Variants in C10orf88 observed in about 807,000 individuals in gnomAD.
C10orf88 encodes the protein chromosome 10 open reading frame 88.
In C10orf88, 29 loss-of-function variants were observed where a neutral mutation model predicts 34.2. The ratio of observed to expected loss-of-function variants is 0.85; its 90% CI spans 0.63 to 1.16. The LOEUF (loss-of-function observed/expected upper bound fraction) is 1.16. Ranked by LOEUF, C10orf88 falls within the 50% of genes most tolerant of loss-of-function variation. The pLI, the probability that C10orf88 is intolerant of heterozygous loss-of-function variation, is 0.00. For synonymous variants in C10orf88, 194 were observed against 197.4 expected, an observed-to-expected ratio of 0.98 and a Z score of 0.15; for missense variants, 507 against 533.2, an observed-to-expected ratio of 0.95 and a Z score of 0.48.
At chr10:122,942,605 G>C (rs1848596030) in intron 4 of C10orf88, among the ~76,000 whole-genome samples, 1 of 150,102 alleles carries the variant, frequency 6.7e-6, no homozygotes, top group South Asian at 2.1e-4. Flanking sequence ...CAGATGACAT[G>C]ATTGTATATC....
Position 122,938,049 on chromosome 10 carries a change from GGAC to G in C10orf88, c.756_758del (p.Ser254del). 11 of 1,613,278 alleles carry G rather than the reference GGAC, an allele frequency of 6.8e-6. No individual in the cohort carries two copies. The highest frequency in any genetic ancestry group is 9.3e-6 in the Non-Finnish European group (11 of 1,179,420). Reference sequence around the variant, plus strand: ...CAGTTCTAAAAGGAAAAGGTGTGGAGGACGACTTGTTTAAGGTTCCTAAGGTAG... The same window carrying G: ...CAGTTCTAAAAGGAAAAGGTGTGGAGGACTTGTTTAAGGTTCCTAAGGTAG... On this transcript the variant is annotated inframe_deletion, in exon 5 of 6. Transcript: ENST00000481909.
chr10:122,934,326 T>C (rs1362119093), intron 5 of C10orf88, among the ~76,000 whole-genome samples: 2 of 152,176 alleles, frequency 1.3e-5, no homozygotes, highest in Non-Finnish European at 2.9e-5. Context: ...GCTACCCCTC[T>C]ATTGTCATAC....
At chr10:122,933,629 T>G (rs1848506482) in intron 5 of C10orf88, among the ~76,000 whole-genome samples, 1 of 152,238 alleles carries the variant, frequency 6.6e-6, no homozygotes, top group African/African-American at 2.4e-5. Context: ...TCTATGTTAT[T>G]GCCCTGATGA....
chr10:122,952,325 T>C (rs773622900), intron 2 of C10orf88, among the ~76,000 whole-genome samples: 1 of 152,222 alleles, frequency 6.6e-6, no homozygotes, highest in African/African-American at 2.4e-5. Context: ...AAACAGTTCA[T>C]ATTTTGTGTT....
chr10:122,950,330 T>C (rs532481184), intron 3 of C10orf88, among the ~76,000 whole-genome samples: 1 of 152,346 alleles, frequency 6.6e-6, no homozygotes, highest in East Asian at 1.9e-4. Context: ...AACTTCCATA[T>C]ACTATTGCCT....
Position 122,938,103 on chromosome 10 carries a change from C to T in C10orf88, c.705G>A (p.Lys235=). 3 of 1,612,404 alleles carry T rather than the reference C, an allele frequency of 1.9e-6. No homozygotes were observed. Among genetic ancestry groups the T allele is most frequent in the Non-Finnish European group, 2.5e-6 (3 of 1,178,914 alleles). ...ATGAGGATTGTAGTCCAATCATATG[C>T]TTGTATCCAGAATTGCCCAACACCG... ...LQSVLGNSGY[K]HMIGLQSSST... Residue 235 remains lysine (K), a synonymous_variant, in exon 5 of 6, where the codon AAG becomes AAA. Transcript: ENST00000481909.
At chr10:122,939,488 T>C (rs1049742918) in intron 4 of C10orf88, among the ~76,000 whole-genome samples, 5 of 152,032 alleles carry the variant, frequency 3.3e-5, no homozygotes, top group Middle Eastern at 3.4e-3. Flanking sequence ...TGTAATGTCA[T>C]GTCCCCATCT....
intron 4 of C10orf88, among the ~76,000 whole-genome samples, chr10:122,943,099 C>T (rs1445486737): frequency 6.6e-6 from 1 of 151,554 alleles, no homozygotes; most frequent in Non-Finnish European, 1.5e-5. Flanking sequence ...AAGCTGGAGG[C>T]ATCACACTGC....
In C10orf88 at chr10:122,932,615, T is replaced by C. The variant is rs1589693027; in HGVS notation, c.1150A>G (p.Lys384Glu). The C allele has an allele frequency of 6.2e-7, 1 of 1,613,404 alleles. No homozygotes were observed. The highest frequency in any genetic ancestry group is 2.2e-5 in the East Asian group (1 of 44,846). Reference sequence around the variant, plus strand: ...TTCTTTTCCATCAGTTCCATATTTTTAGAAAGAATCTTTTCCAAGTAGGAG... The same window carrying C: ...TTCTTTTCCATCAGTTCCATATTTTCAGAAAGAATCTTTTCCAAGTAGGAG... The part of the protein sequence containing the change: ...ICSYLEKILS[K>E]NMELMEKKLM... Residue 384 changes from lysine (K) to glutamate (E), a missense_variant, in exon 6 of 6, where the codon AAA (lysine) becomes GAA (glutamate). Coordinates refer to ENST00000481909, the MANE Select transcript of C10orf88 (RefSeq NM_024942.4).
chr10:122,952,139 C>A, intron 2 of C10orf88, 113 bp from the exon 3 acceptor site: 2 of 617,136 alleles, frequency 3.2e-6, no homozygotes, highest in Non-Finnish European at 5.6e-6. Flanking sequence ...ATTCAGTTTT[C>A]CTGGTGAGGC....
chr10:122,952,973 AG>A lies in C10orf88; in HGVS notation c.223del (p.Leu75PhefsTer3). On this transcript the variant is annotated frameshift_variant, in exon 2 of 6. Transcript: ENST00000481909. LOFTEE classifies it high-confidence loss of function. ...HNNKDENPCFLYLRCGPDGGE... is the reference protein window; with the variant it reads ...HNNKDENPCFXYLRCGPDGGE... ...TCCATCAGGGCCACACCTCAGGTAA[AG>A]GAAGCAGGGGTTTTCATCTTTGTTG... 6.2e-7 allele frequency: 1 copy of A among 1,614,226 alleles called. No homozygotes were observed. The highest frequency in any genetic ancestry group is 8.5e-7 in the Non-Finnish European group (1 of 1,180,034).
rs1397873103 is a variant in C10orf88, at chr10:122,931,704, G to GT, written c.*722dup. On this transcript the variant is annotated 3_prime_UTR_variant, in exon 6 of 6. Coordinates refer to ENST00000481909, the MANE Select transcript of C10orf88 (RefSeq NM_024942.4). ...GAAAAGGATTCTGGGGAAAAAACCTGTATCAGCTCAAAAGGAGAGGTTTTC... is the reference window on the plus strand; with the variant it reads ...GAAAAGGATTCTGGGGAAAAAACCTGTTATCAGCTCAAAAGGAGAGGTTTTC... 2.0e-5 allele frequency: 3 copies of GT among 152,126 alleles called. No individual in the cohort carries two copies. The highest frequency in any genetic ancestry group is 2.9e-5 in the Non-Finnish European group (2 of 68,026). 9.4% of individuals were successfully genotyped at this position (152,126 alleles called of 1,614,324 possible).
In C10orf88 at chr10:122,941,874, G is replaced by C. The variant is rs577035951; in HGVS notation, c.649-3715C>G. 3.5e-4 allele frequency among the ~76,000 whole-genome samples: 54 copies of C among 152,152 alleles called. No homozygotes were observed. In the East Asian group the frequency reaches 7.3e-3, roughly 21 times the overall value. On this transcript the variant is annotated intron_variant, in intron 4 of 5. Transcript: ENST00000481909. ...CCCATGAGTGTTGGCTGAGGGTGGG[G>C]TGGCATGGGGGAGAGCCTTCTGTGT...
At chr10:122,943,498 G>A (rs1329192006) in intron 4 of C10orf88, among the ~76,000 whole-genome samples, 2 of 150,954 alleles carry the variant, frequency 1.3e-5, no homozygotes, top group Non-Finnish European at 3.0e-5. Flanking sequence ...CAAAAGCAAT[G>A]GCAACAAAAG....
intron 4 of C10orf88, among the ~76,000 whole-genome samples, chr10:122,938,738 C>T (rs1464669788): frequency 6.6e-6 from 1 of 151,962 alleles, no homozygotes; most frequent in African/African-American, 2.4e-5. Context: ...AAATTAGCTA[C>T]TTCTGGCTGT....
chr10:122,935,300 T>A (rs966115265), intron 5 of C10orf88, among the ~76,000 whole-genome samples: 1 of 152,062 alleles, frequency 6.6e-6, no homozygotes, highest in Non-Finnish European at 1.5e-5. Flanking sequence ...TACATTTTAA[T>A]CTATAAGTAA....
rs1589692586 is a variant in C10orf88, at chr10:122,931,054, T to C, written c.*1373A>G. On this transcript the variant is annotated 3_prime_UTR_variant, in exon 6 of 6. Transcript: ENST00000481909. ...TTTCACATTCAAGCAAAGGGAGGAATATTCCTGGATTTTTCAGAAATGGGC... is the reference window on the plus strand; with the variant it reads ...TTTCACATTCAAGCAAAGGGAGGAACATTCCTGGATTTTTCAGAAATGGGC... 1 of 152,284 alleles carries C rather than the reference T, an allele frequency of 6.6e-6. No individual in the cohort carries two copies. Among genetic ancestry groups the C allele is most frequent in the South Asian group, 2.1e-4 (1 of 4,826 alleles). The allele number at this position is 152,284 out of a possible 1,614,324, so 9.4% of individuals were successfully genotyped here. A position where few individuals can be genotyped will look rare whatever the true frequency, so the allele number is the denominator to read the frequency against.
Position 122,936,320 on chromosome 10 carries a change from C to T in C10orf88, c.1103+1385G>A, listed in dbSNP as rs935273657. On this transcript the variant is annotated intron_variant, in intron 5 of 5. Transcript: ENST00000481909. ...TCAGTAGTGACATCTCATTACATTCCGGATACTGATGATTGCATCTTCTTT... is the reference window on the plus strand; with the variant it reads ...TCAGTAGTGACATCTCATTACATTCTGGATACTGATGATTGCATCTTCTTT... 1.3e-4 allele frequency among the ~76,000 whole-genome samples: 19 copies of T among 151,808 alleles called. No homozygotes were observed. In the East Asian group the frequency reaches 3.1e-3, roughly 25 times the overall value.
chr10:122,938,816 A>G (rs1175431846), intron 4 of C10orf88, among the ~76,000 whole-genome samples: 8 of 152,032 alleles, frequency 5.3e-5, no homozygotes, highest in Admixed American at 2.0e-4. Context: ...GTTATGCAGT[A>G]TTATTTCCTG....
Sources: allele counts gnomAD v4.1 joint callset (sites outside exome capture counted in the v4.1 genomes callset), GRCh38; gene constraint gnomAD v4.1.1; transcripts MANE v1.5; gene names NCBI Gene and HGNC (gene_info 2026-07-23, HGNC 2026-07-21).